The following PTPRD variants were observed in gnomAD, a reference collection of about 807,000 sequenced individuals.
PTPRD encodes the protein protein tyrosine phosphatase receptor type D.
A neutral mutation model predicts 214.5 loss-of-function variants in PTPRD; 34 were observed. That is an observed-to-expected ratio of 0.16 (90% confidence interval 0.12 to 0.21). The LOEUF (loss-of-function observed/expected upper bound fraction) is 0.21. PTPRD is among the 10% of genes least tolerant of loss of function. The pLI, the probability that PTPRD is intolerant of heterozygous loss-of-function variation, is 1.00. For missense variants in PTPRD, 2,545 were observed against 2,398.7 expected, an observed-to-expected ratio of 1.06 and a Z score of -1.27; for synonymous variants, 1,128 against 845.7, an observed-to-expected ratio of 1.33 and a Z score of -5.79.
chr9:10,337,550 A>G (rs1316246696), intron 3 of PTPRD, among the ~76,000 whole-genome samples: 1 of 151,734 alleles, frequency 6.6e-6, no homozygotes, highest in Non-Finnish European at 1.5e-5. Context: ...ACAAAACAAT[A>G]TTTTGTATAT....
At chr9:8,864,822 C>T (rs1261809903) in intron 11 of PTPRD, among the ~76,000 whole-genome samples, 1 of 152,162 alleles carries the variant, frequency 6.6e-6, no homozygotes, top group African/African-American at 2.4e-5. Context: ...TAACAGTTTT[C>T]AAAACAGTGA....
chr9:8,484,421 G>C (rs1329514615), intron 29 of PTPRD, 43 bp from the exon 30 acceptor site: 1 of 1,566,850 alleles, frequency 6.4e-7, no homozygotes, highest in Middle Eastern at 1.7e-4. Context: ...GGTTATCAGA[G>C]AGGCAAAATA....
chr9:9,434,659 C>G (rs1016834943), intron 8 of PTPRD, among the ~76,000 whole-genome samples: 1 of 151,926 alleles, frequency 6.6e-6, no homozygotes, highest in Non-Finnish European at 1.5e-5. Flanking sequence ...CAGCATGGTA[C>G]TGGCATAAAA....
intron 3 of PTPRD, among the ~76,000 whole-genome samples, chr9:10,098,137 T>C (rs1452158958): frequency 2.6e-5 from 4 of 151,776 alleles, no homozygotes; most frequent in African/African-American, 4.8e-5. Flanking sequence ...ATGTGGCATA[T>C]ATACACCATG....
intron 39 of PTPRD, among the ~76,000 whole-genome samples, chr9:8,371,599 G>C (rs139092610): frequency 0.01 from 1,550 of 152,150 alleles, 19 homozygotes; most frequent in African/African-American, 0.036. Context: ...TGTCATAAAT[G>C]TGTGTAAAAC....
chr9:10,344,423 T>C (rs547070614), intron 2 of PTPRD, among the ~76,000 whole-genome samples: 55 of 152,308 alleles, frequency 3.6e-4, no homozygotes, highest in Admixed American at 2.4e-3. Context: ...GCTGTTTTGG[T>C]TACTGTAGTC....
At chr9:9,749,942 T>A (rs570371062) in intron 6 of PTPRD, among the ~76,000 whole-genome samples, 1 of 152,146 alleles carries the variant, frequency 6.6e-6, no homozygotes, top group Admixed American at 6.6e-5. Context: ...TATAAAATAA[T>A]AGAAGATGCT....
intron 3 of PTPRD, among the ~76,000 whole-genome samples, chr9:10,054,116 A>G (rs192497330): frequency 2.0e-5 from 3 of 152,278 alleles, no homozygotes; most frequent in East Asian, 1.9e-4. Context: ...AAATATAAAA[A>G]CTTGTCACCT....
At chr9:10,245,490 T>C (rs1366594991) in intron 3 of PTPRD, among the ~76,000 whole-genome samples, 1 of 152,224 alleles carries the variant, frequency 6.6e-6, no homozygotes, top group African/African-American at 2.4e-5. Context: ...GATGGCCTAC[T>C]ATGTACAAAA....
intron 5 of PTPRD, among the ~76,000 whole-genome samples, chr9:9,880,399 A>G (rs2068283110): frequency 6.6e-6 from 1 of 152,214 alleles, no homozygotes; most frequent in Admixed American, 6.5e-5. Context: ...TTAAGTGAAA[A>G]TGTTAATGTA....
At chr9:9,360,059 G>A (rs2055432848) in intron 9 of PTPRD, among the ~76,000 whole-genome samples, 1 of 151,156 alleles carries the variant, frequency 6.6e-6, no homozygotes, top group Admixed American at 6.6e-5. Context: ...TGTTTTCATG[G>A]CAGAAGTCAG....
chr9:9,541,870 A>T (rs1458627864), intron 8 of PTPRD, among the ~76,000 whole-genome samples: 1 of 151,762 alleles, frequency 6.6e-6, no homozygotes, highest in Non-Finnish European at 1.5e-5. Context: ...GTAACTATTG[A>T]ATGTTGGGTG....
At chr9:9,708,031 C>G (rs974048196) in intron 7 of PTPRD, among the ~76,000 whole-genome samples, 2 of 151,932 alleles carry the variant, frequency 1.3e-5, no homozygotes, top group African/African-American at 4.8e-5. Flanking sequence ...CTTATAAAGA[C>G]TTGCTGTAAG....
At chr9:10,457,841 C>A (rs945299016) in intron 2 of PTPRD, among the ~76,000 whole-genome samples, 31 of 151,840 alleles carry the variant, frequency 2.0e-4, no homozygotes, top group African/African-American at 7.2e-4. Flanking sequence ...ATTGACATAC[C>A]CATAGCCAGA....
intron 11 of PTPRD, among the ~76,000 whole-genome samples, chr9:8,921,388 C>T (rs984248677): frequency 3.9e-5 from 6 of 152,186 alleles, no homozygotes; most frequent in African/African-American, 1.2e-4. Flanking sequence ...TCATCAGACT[C>T]ACTTGGGAGG....
intron 14 of PTPRD, among the ~76,000 whole-genome samples, chr9:8,605,934 G>C (rs930843184): frequency 6.6e-6 from 1 of 152,088 alleles, no homozygotes; most frequent in African/African-American, 2.4e-5. Flanking sequence ...GAGTCCTTTG[G>C]GTTTTTTTGT....
chr9:10,275,121 A>T (rs1213464054), intron 3 of PTPRD, among the ~76,000 whole-genome samples: 1 of 152,348 alleles, frequency 6.6e-6, no homozygotes, highest in East Asian at 1.9e-4. Flanking sequence ...AGGATAGCAC[A>T]TCTAAAAGGA....
intron 14 of PTPRD, among the ~76,000 whole-genome samples, chr9:8,607,326 C>T (rs2095265199): frequency 6.6e-6 from 1 of 152,002 alleles, no homozygotes; most frequent in Non-Finnish European, 1.5e-5. Flanking sequence ...AGCATATAAA[C>T]AGCAAATTAA....
chr9:9,190,470 G>A (rs1395299800), intron 9 of PTPRD, among the ~76,000 whole-genome samples: 1 of 151,990 alleles, frequency 6.6e-6, no homozygotes, highest in Non-Finnish European at 1.5e-5. Flanking sequence ...CATGTAAGAA[G>A]TGCCTTTCAC....
Sources: allele counts gnomAD v4.1 joint callset (sites outside exome capture counted in the v4.1 genomes callset), GRCh38; gene constraint gnomAD v4.1.1; transcripts MANE v1.5; gene names NCBI Gene and HGNC (gene_info 2026-07-23, HGNC 2026-07-21).